Variants in DOCK1 observed in about 807,000 individuals in gnomAD.
DOCK1 encodes the protein dedicator of cytokinesis protein 1.
Under a neutral mutation model 262.7 loss-of-function variants are expected in DOCK1, and 138 were observed. The observed-to-expected ratio is 0.53, with a 90% CI of 0.46 to 0.61. The LOEUF (loss-of-function observed/expected upper bound fraction) is 0.61. DOCK1 is among the 20% of genes least tolerant of loss of function. The pLI is 0.00. For synonymous variants in DOCK1, 866 were observed against 867.4 expected, an observed-to-expected ratio of 1.00 and a Z score of 0.03; for missense variants, 1,908 against 2,370.7, an observed-to-expected ratio of 0.80 and a Z score of 4.05.
chr10:127,042,660 C>A lies in DOCK1; in HGVS notation c.2046C>A (p.Ile682=). Residue 682 remains isoleucine (I), a synonymous_variant, in exon 20 of 52, where the codon ATC becomes ATA. Coordinates refer to ENST00000623213, the MANE Select transcript of DOCK1 (RefSeq NM_001290223.2). The part of the protein sequence containing the change: ...LQDTLDALFN[I]MMENSESETF... ...ACACGTTGGATGCCCTCTTCAACAT[C>A]ATGATGGAGAACTCAGAGAGTGAGA... is the stretch of plus-strand genomic sequence containing the variant. 1 of 1,614,150 alleles carries A rather than the reference C, an allele frequency of 6.2e-7. No homozygotes were observed. The highest frequency in any genetic ancestry group is 8.5e-7 in the Non-Finnish European group (1 of 1,180,022).
intron 23 of DOCK1, among the ~76,000 whole-genome samples, chr10:127,104,113 G>A (rs2048402252): frequency 6.6e-6 from 1 of 152,128 alleles, no homozygotes; most frequent in Non-Finnish European, 1.5e-5. Flanking sequence ...ATTTTGCAGG[G>A]AGGGGAAGAT....
rs560206453 is a variant in DOCK1 at position 127,446,721 on chromosome 10, A to G, written c.5414-673A>G. On this transcript the variant is annotated intron_variant, in intron 50 of 51. Transcript: ENST00000623213. This position sits in a 1 kb window ranked among gnomAD's most constrained non-coding sequence, Gnocchi z 4.4. ...ATATAAAAGAAAACAAATTATCTTT[A>G]AGAGTCTCAACAAGGTTTGAGAAAA... Among the ~76,000 whole-genome samples, 1 of 152,350 alleles carries G rather than the reference A, an allele frequency of 6.6e-6. No homozygotes were observed. Among genetic ancestry groups the G allele is most frequent in the East Asian group, 1.9e-4 (1 of 5,186 alleles).
In DOCK1 at chr10:127,027,990, C is replaced by T. The variant is rs373167969; in HGVS notation, c.1624+1566C>T. On this transcript the variant is annotated intron_variant, in intron 16 of 51. Transcript: ENST00000623213. ...TGGCAGATGTGTGTGTGGTGGGGCC[C>T]GGCCTGGGATGTGGCTGACTGGAGG... is the stretch of plus-strand genomic sequence containing the variant. Among the ~76,000 whole-genome samples the T allele has an allele frequency of 1.1e-4, 15 of 141,786 alleles. No individual in the cohort carries two copies. The South Asian group carries it at 1.4e-3, about 13-fold the overall frequency. The allele number at this position is 141,786 out of a possible 152,430, so 93.0% of individuals were successfully genotyped here.
At chr10:127,333,538 C>G (rs1220224684) in intron 29 of DOCK1, among the ~76,000 whole-genome samples, 1 of 152,238 alleles carries the variant, frequency 6.6e-6, no homozygotes, top group Non-Finnish European at 1.5e-5. Context: ...GACTATGCTA[C>G]TTTTGTTACT....
chr10:127,253,271 C>T (rs546094888), intron 28 of DOCK1, among the ~76,000 whole-genome samples: 4 of 152,176 alleles, frequency 2.6e-5, no homozygotes, highest in South Asian at 2.1e-4. Flanking sequence ...GTACTTCTAG[C>T]GGAGAATGTT....
intron 31 of DOCK1, among the ~76,000 whole-genome samples, chr10:127,344,965 A>T (rs2063568966): frequency 6.6e-6 from 1 of 152,240 alleles, no homozygotes; most frequent in Non-Finnish European, 1.5e-5. Flanking sequence ...TTGTTTAGAT[A>T]CACAAATACT....
chr10:127,063,980 T>C (rs1484929037), intron 23 of DOCK1, among the ~76,000 whole-genome samples: 3 of 152,256 alleles, frequency 2.0e-5, no homozygotes, highest in Non-Finnish European at 4.4e-5. Context: ...TATTTCACAA[T>C]AGGTGCTTTC....
chr10:127,415,836 G>C (rs1488994075), intron 44 of DOCK1, among the ~76,000 whole-genome samples: 2 of 152,216 alleles, frequency 1.3e-5, no homozygotes, highest in Admixed American at 6.5e-5. Flanking sequence ...ATGAACCAGA[G>C]TTGGGCTGCA....
intron 38 of DOCK1, 114 bp from the exon 39 acceptor site, chr10:127,402,941 G>A: frequency 1.0e-6 from 1 of 994,888 alleles, no homozygotes; most frequent in Non-Finnish European, 1.5e-6. Flanking sequence ...TTCCCATAAT[G>A]TTTCATTCAA....
At chr10:127,326,347 T>C (rs773272101) in intron 29 of DOCK1, among the ~76,000 whole-genome samples, 7 of 152,260 alleles carry the variant, frequency 4.6e-5, no homozygotes, top group African/African-American at 1.4e-4. Flanking sequence ...CTTTGGCAAC[T>C]AACTTTATGT....
In DOCK1 at chr10:127,110,235, T is replaced by C. The variant is rs1342024066; in HGVS notation, c.2517-13T>C. 2 of 1,606,496 alleles carry C rather than the reference T, an allele frequency of 1.2e-6. No homozygotes were observed. Among genetic ancestry groups the C allele is most frequent in the East Asian group, 4.5e-5 (2 of 44,796 alleles). ...GTGTCTCAAAATTATTTCCCTTGTG[T>C]TTTTCCTCACAGCAAAATGTTTACT... On this transcript the variant is annotated splice_polypyrimidine_tract_variant and intron_variant, in intron 24 of 51. Transcript: ENST00000623213.
At chr10:127,420,110 G>A (rs1484954345) in intron 46 of DOCK1, among the ~76,000 whole-genome samples, 1 of 152,236 alleles carries the variant, frequency 6.6e-6, no homozygotes, top group Non-Finnish European at 1.5e-5. Flanking sequence ...AGGCGCTCGG[G>A]CCAGTGCAGT....
chr10:127,373,972 T>C, intron 34 of DOCK1, 86 bp from the exon 35 acceptor site: 1 of 1,530,374 alleles, frequency 6.5e-7, no homozygotes, highest in Middle Eastern at 1.7e-4. Flanking sequence ...TAAAATGTGT[T>C]AATAATGGAA....
chr10:127,301,516 G>A (rs75040368), intron 29 of DOCK1, among the ~76,000 whole-genome samples: 1 of 152,152 alleles, frequency 6.6e-6, no homozygotes, highest in South Asian at 2.1e-4. Context: ...TTGTCATGAG[G>A]AGAACAGGAA....
At position 127,180,441 on chromosome 10, in the gene DOCK1, T is replaced by C. The variant is rs190557792; in HGVS notation, c.2847+52677T>C. Among the ~76,000 whole-genome samples, 310 of 152,326 alleles carry C rather than the reference T, an allele frequency of 2.0e-3. 1 individual carries two copies. The highest frequency in any genetic ancestry group is 6.9e-3 in the African/African-American group (287 of 41,560). On this transcript the variant is annotated intron_variant, in intron 27 of 51. Transcript: ENST00000623213. ...TAAGAAAATTGTGTTTTAGAATTCA[T>C]TGGACTGTGCTGTCTTGAGGTGAAA...
intron 27 of DOCK1, among the ~76,000 whole-genome samples, chr10:127,218,950 G>T (rs1420113330): frequency 6.6e-6 from 1 of 152,136 alleles, no homozygotes; most frequent in Non-Finnish European, 1.5e-5. Flanking sequence ...CTGGTGGGAT[G>T]GAAAGGGAAG....
chr10:127,274,723 G>C (rs902944817), intron 29 of DOCK1, among the ~76,000 whole-genome samples: 1 of 152,220 alleles, frequency 6.6e-6, no homozygotes. Flanking sequence ...TGCGAGGTGG[G>C]AGTGTTCCCG....
chr10:127,288,806 CAT>C (rs34649637), intron 29 of DOCK1, among the ~76,000 whole-genome samples: 6,508 of 146,510 alleles, frequency 0.044, 208 homozygotes, highest in Middle Eastern at 0.097. Flanking sequence ...CACACACACA[CAT>C]AAAATAGTTT....
chr10:127,362,934 TC>T lies in DOCK1; in HGVS notation c.3432+728del, dbSNP rs1182560149. Among the ~76,000 whole-genome samples, 4 of 11,660 alleles carry T rather than the reference TC, an allele frequency of 3.4e-4. No homozygotes were observed. The East Asian group carries it at 8.0e-3, about 23-fold the overall frequency. 7.6% of individuals were successfully genotyped at this position (11,660 alleles called of 152,430 possible). Reference sequence around the variant, plus strand: ...CCACACACACATATACACATGCACATCCCCCCACACACATACACATGTGCAT... The same window carrying T: ...CCACACACACATATACACATGCACATCCCCCACACACATACACATGTGCAT... On this transcript the variant is annotated intron_variant, in intron 33 of 51. Transcript: ENST00000623213.
Sources: gnomAD v4.1 joint callset for allele counts (sites outside exome capture counted in the v4.1 genomes callset) on GRCh38, gnomAD v4.1.1 for gene constraint, Gnocchi (gnomAD v3.1) non-coding constraint, MANE v1.5 for transcripts, NCBI Gene and HGNC (gene_info 2026-07-23, HGNC 2026-07-21) for gene names.